Variants in KDM4C observed in about 807,000 individuals in gnomAD.
KDM4C encodes the protein lysine demethylase 4C, also known as lysine-specific demethylase 4C.
A neutral mutation model predicts 129.3 loss-of-function variants in KDM4C; 81 were observed. The ratio of observed to expected loss-of-function variants is 0.63; its 90% CI spans 0.52 to 0.75. The LOEUF is 0.75. Among genes scored for constraint, KDM4C ranks in the 30% least tolerant of loss-of-function variants. KDM4C has a pLI of 0.00. For synonymous variants in KDM4C, 573 were observed against 456.1 expected (o/e 1.26, Z -3.26); for missense variants, 1,457 against 1,304.0 (o/e 1.12, Z -1.81).
intron 18 of KDM4C, among the ~76,000 whole-genome samples, chr9:7,114,181 G>T (rs1235510939): frequency 6.6e-6 from 1 of 152,070 alleles, no homozygotes; most frequent in African/African-American, 2.4e-5. Context: ...AGATCCTTTA[G>T]GCCTGGTTCA....
At chr9:6,827,873 T>C (rs909619451) in intron 4 of KDM4C, among the ~76,000 whole-genome samples, 1 of 152,196 alleles carries the variant, frequency 6.6e-6, no homozygotes, top group Non-Finnish European at 1.5e-5. Flanking sequence ...TTATGGCTGC[T>C]CTTTAGTGAA....
intron 1 of KDM4C, among the ~76,000 whole-genome samples, chr9:6,735,409 C>A (rs149007043): frequency 6.6e-6 from 1 of 152,172 alleles, no homozygotes; most frequent in African/African-American, 2.4e-5. Context: ...TATGCTTTGG[C>A]TGTGTCCCCA....
At chr9:7,135,113 C>G (rs565053815) in intron 19 of KDM4C, among the ~76,000 whole-genome samples, 1 of 152,340 alleles carries the variant, frequency 6.6e-6, no homozygotes, top group South Asian at 2.1e-4. Context: ...GTGTGTCTCA[C>G]TGACCCCAAT....
chr9:6,821,866 C>T lies in KDM4C; in HGVS notation c.435+7121C>T, dbSNP rs553092935. On this transcript the variant is annotated intron_variant, in intron 4 of 21. Coordinates refer to ENST00000381309, the MANE Select transcript of KDM4C (RefSeq NM_015061.6). ...GCCAGACTGGTTTCTAACTCCTGGCCTCAAGTGATCTGCCTGTCTTGGCCT... is the reference window on the plus strand; with the variant it reads ...GCCAGACTGGTTTCTAACTCCTGGCTTCAAGTGATCTGCCTGTCTTGGCCT... 7.9e-5 allele frequency among the ~76,000 whole-genome samples: 12 copies of T among 152,262 alleles called. No individual in the cohort carries two copies. The South Asian group carries it at 2.5e-3, about 32-fold the overall frequency.
chr9:7,058,328 C>T (rs370485952), intron 17 of KDM4C, among the ~76,000 whole-genome samples: 12 of 152,134 alleles, frequency 7.9e-5, no homozygotes, highest in African/African-American at 2.2e-4. Context: ...GCAAGTGCAA[C>T]GGCTGGTAAA....
At chr9:6,989,676 G>A (rs972160711) in intron 11 of KDM4C, among the ~76,000 whole-genome samples, 2 of 139,228 alleles carry the variant, frequency 1.4e-5, no homozygotes, top group Non-Finnish European at 1.6e-5. Context: ...TTCTCTGTGA[G>A]GATAGAAAAT....
At chr9:6,734,819 C>G (rs1817469783) in intron 1 of KDM4C, 1 of 452,972 alleles carries the variant, frequency 2.2e-6, no homozygotes, top group Non-Finnish European at 4.4e-6. Flanking sequence ...CCATTGTTTT[C>G]TCTACAGGAT....
rs1156950599 is a variant in KDM4C, at chr9:6,800,618, T to TA, written c.145-4981_145-4980insA. On this transcript the variant is annotated intron_variant, in intron 2 of 21. Coordinates refer to ENST00000381309, the MANE Select transcript of KDM4C (RefSeq NM_015061.6). ...TATATCTATCTATTTTATTTTATTT[T>TA]TTAATTTATTTTTATTTAGTTCTTT... Among the ~76,000 whole-genome samples, 357 of 152,222 alleles carry TA rather than the reference T, an allele frequency of 2.3e-3. 2 individuals are homozygous for TA. The highest frequency in any genetic ancestry group is 8.1e-3 in the African/African-American group (335 of 41,524).
chr9:6,738,456 C>A (rs932952847), intron 1 of KDM4C, among the ~76,000 whole-genome samples: 1 of 152,166 alleles, frequency 6.6e-6, no homozygotes, highest in African/African-American at 2.4e-5. Context: ...GCTTGGGCGA[C>A]AGGTCCTCAC....
intron 8 of KDM4C, among the ~76,000 whole-genome samples, chr9:6,893,802 A>G (rs1374598561): frequency 1.3e-5 from 2 of 152,196 alleles, no homozygotes; most frequent in Admixed American, 6.5e-5. Flanking sequence ...AGTGTATTTA[A>G]TTTAGCTCAC....
chr9:7,132,237 C>T (rs992170731), intron 19 of KDM4C, among the ~76,000 whole-genome samples: 1 of 152,130 alleles, frequency 6.6e-6, no homozygotes, highest in African/African-American at 2.4e-5. Flanking sequence ...AAGTTACATT[C>T]CCATATTTAT....
chr9:7,173,869 A>G (rs1226742479), intron 21 of KDM4C, among the ~76,000 whole-genome samples: 2 of 152,206 alleles, frequency 1.3e-5, no homozygotes, highest in Admixed American at 6.5e-5. Flanking sequence ...AGCAGATGTG[A>G]GCATCTCCTG....
intron 18 of KDM4C, among the ~76,000 whole-genome samples, chr9:7,126,529 G>C (rs1215508246): frequency 6.6e-6 from 1 of 152,198 alleles, no homozygotes; most frequent in African/African-American, 2.4e-5. Context: ...AGGCAAGAAA[G>C]AACCTGCAGG....
chr9:6,818,524 G>C (rs1055083316), intron 4 of KDM4C, among the ~76,000 whole-genome samples: 1 of 152,226 alleles, frequency 6.6e-6, no homozygotes, highest in South Asian at 2.1e-4. Context: ...TGGGAAGGGT[G>C]TGGCAGCAAG....
At chr9:6,780,556 T>G (rs1824111724) in intron 1 of KDM4C, among the ~76,000 whole-genome samples, 2 of 151,542 alleles carry the variant, frequency 1.3e-5, no homozygotes. Flanking sequence ...CTCTTCGAGC[T>G]CAAGAGTCCA....
At chr9:6,790,255 G>T (rs1564009663) in intron 1 of KDM4C, among the ~76,000 whole-genome samples, 1 of 150,964 alleles carries the variant, frequency 6.6e-6, no homozygotes, top group Non-Finnish European at 1.5e-5. Flanking sequence ...GCCCTGCTCT[G>T]TTTTTTTTGT....
At chr9:7,100,902 A>G (rs953613885) in intron 17 of KDM4C, among the ~76,000 whole-genome samples, 1 of 151,816 alleles carries the variant, frequency 6.6e-6, no homozygotes, top group Non-Finnish European at 1.5e-5. Context: ...CTTATTTTGC[A>G]TTAGTTCTTA....
chr9:6,819,403 G>C (rs1832649462), intron 4 of KDM4C, among the ~76,000 whole-genome samples: 1 of 152,180 alleles, frequency 6.6e-6, no homozygotes, highest in Admixed American at 6.6e-5. Context: ...AAATCCACTG[G>C]TTTGTAAACA....
chr9:6,825,787 A>G (rs930355013), intron 4 of KDM4C, among the ~76,000 whole-genome samples: 4 of 152,200 alleles, frequency 2.6e-5, no homozygotes, highest in African/African-American at 9.7e-5. Flanking sequence ...TTTGAAAAAT[A>G]TTGTGGCAAA....
Sources: gnomAD v4.1 joint callset for allele counts (sites outside exome capture counted in the v4.1 genomes callset) on GRCh38, gnomAD v4.1.1 for gene constraint, MANE v1.5 for transcripts, NCBI Gene and HGNC (gene_info 2026-07-23, HGNC 2026-07-21) for gene names.